Variants in TNS3 observed in about 807,000 individuals in gnomAD.
TNS3 encodes tensin-3.
A neutral mutation model predicts 140.9 loss-of-function variants in TNS3; 45 were observed. The ratio of observed to expected loss-of-function variants is 0.32; its 90% CI spans 0.25 to 0.41. The LOEUF is 0.41. Ranked by LOEUF, TNS3 falls within the 10% of genes least tolerant of loss-of-function variation. The pLI is 1.00. For missense variants in TNS3, 1,716 were observed against 1,906.7 expected (o/e 0.90, Z 1.86); for synonymous variants, 815 against 788.4 (o/e 1.03, Z -0.56).
Position 47,283,755 on chromosome 7 carries a change from T to C in TNS3, c.4039A>G (p.Thr1347Ala). ...TLVQEPPPVSTVVHFKVSAQG... is the reference protein window; with the variant it reads ...TLVQEPPPVSAVVHFKVSAQG... ...GCTGACACCTTGAAGTGCACAACTG[T>C]GGACACAGGTGGAGGCTCCTGGACC... Residue 1347 changes from threonine (T) to alanine (A), a missense_variant, in exon 28 of 31, where the codon ACA becomes GCA. Around this residue, in one of 3 missense-constraint regions of TNS3, gnomAD observed 216 missense variants for 295.7 expected, o/e 0.73. Transcript: ENST00000311160. 1 of 1,611,130 alleles carries C rather than the reference T, an allele frequency of 6.2e-7. No homozygotes were observed.
intron 13 of TNS3, among the ~76,000 whole-genome samples, chr7:47,404,310 C>A (rs1231952161): frequency 6.6e-6 from 1 of 152,002 alleles, no homozygotes; most frequent in East Asian, 1.9e-4. Flanking sequence ...TCTCTGACTG[C>A]AAAATGAGTA....
intron 3 of TNS3, among the ~76,000 whole-genome samples, chr7:47,500,097 GCA>G (rs143019610): frequency 4.0e-5 from 6 of 151,292 alleles, no homozygotes; most frequent in African/African-American, 1.2e-4. Flanking sequence ...ACACACACAC[GCA>G]CACACACACA....
At chr7:47,471,806 G>A (rs1035954675) in intron 4 of TNS3, among the ~76,000 whole-genome samples, 3 of 152,228 alleles carry the variant, frequency 2.0e-5, no homozygotes, top group Non-Finnish European at 4.4e-5. Flanking sequence ...TGAGGCTGGA[G>A]AGGTGTGAGC....
chr7:47,575,169 C>T (rs1800647501), intron 1 of TNS3, among the ~76,000 whole-genome samples: 1 of 152,124 alleles, frequency 6.6e-6, no homozygotes, highest in African/African-American at 2.4e-5. Context: ...GATCAATGAA[C>T]AAATAGTGAA....
At chr7:47,504,738 A>C (rs1318448238) in intron 3 of TNS3, among the ~76,000 whole-genome samples, 1 of 152,182 alleles carries the variant, frequency 6.6e-6, no homozygotes, top group African/African-American at 2.4e-5. Flanking sequence ...GCAGCTGGGG[A>C]GTTATGGCCC....
intron 3 of TNS3, among the ~76,000 whole-genome samples, chr7:47,493,659 A>T (rs1797895584): frequency 7.7e-6 from 1 of 130,220 alleles, no homozygotes; most frequent in Non-Finnish European, 1.6e-5. Context: ...TCTACTAAAA[A>T]TACAAAAAAA....
rs146283861 is a variant in TNS3 at position 47,386,748 on chromosome 7, A to G, written c.1024+10052T>C. On this transcript the variant is annotated intron_variant, in intron 16 of 30. Coordinates refer to ENST00000311160, the MANE Select transcript of TNS3 (RefSeq NM_022748.12). The stretch of plus-strand genomic sequence containing the variant: ...GCTTTCATCCCCAAAGTAGGTCAGA[A>G]TTGCTCCTATCGGCAAGATAAACTG... Among the ~76,000 whole-genome samples, 1,039 of 152,346 alleles carry G rather than the reference A, an allele frequency of 6.8e-3. 14 individuals carry two copies. Among genetic ancestry groups the G allele is most frequent in the African/African-American group, 0.024 (983 of 41,590 alleles).
At chr7:47,337,493 G>A (rs1012353091) in intron 20 of TNS3, among the ~76,000 whole-genome samples, 3 of 152,194 alleles carry the variant, frequency 2.0e-5, no homozygotes, top group Non-Finnish European at 2.9e-5. Context: ...AATGACAAAA[G>A]CAATACAATT....
rs140799405 is a variant in TNS3, at chr7:47,389,109, C to CAGAAGAAGAAGAAGAAGAAGAAGA, written c.1024+7667_1024+7690dup. On this transcript the variant is annotated intron_variant, in intron 16 of 30. Coordinates refer to ENST00000311160, the MANE Select transcript of TNS3 (RefSeq NM_022748.12). ...GAGGAAGAGGAAGAGGAAGCGGAAG[C>CAGAAGAAGAAGAAGAAGAAGAAGA]AGAAGAAGAAGAAGAAGAAGAAGAA... Among the ~76,000 whole-genome samples the CAGAAGAAGAAGAAGAAGAAGAAGA allele has an allele frequency of 6.3e-4, 37 of 59,134 alleles. 9 individuals carry two copies. Among genetic ancestry groups the CAGAAGAAGAAGAAGAAGAAGAAGA allele is most frequent in the African/African-American group, 2.2e-3 (33 of 14,768 alleles). The allele number at this position is 59,134 out of a possible 152,430, so 38.8% of individuals were successfully genotyped here.
At chr7:47,387,477 T>C (rs1792142806) in intron 16 of TNS3, among the ~76,000 whole-genome samples, 1 of 152,222 alleles carries the variant, frequency 6.6e-6, no homozygotes, top group African/African-American at 2.4e-5. Flanking sequence ...CTAGCCCAGA[T>C]GGCCGAATGG....
intron 15 of TNS3, among the ~76,000 whole-genome samples, chr7:47,399,492 GA>G (rs1417606558): frequency 6.6e-6 from 1 of 152,230 alleles, no homozygotes; most frequent in East Asian, 1.9e-4. Context: ...CAGATCAATG[GA>G]ACAGAATAGA....
intron 20 of TNS3, among the ~76,000 whole-genome samples, chr7:47,337,264 A>T (rs1332227034): frequency 6.6e-6 from 1 of 152,178 alleles, no homozygotes; most frequent in African/African-American, 2.4e-5. Context: ...AATAATCCTG[A>T]ATAAAATCTG....
chr7:47,456,750 G>C (rs966661694), intron 4 of TNS3, among the ~76,000 whole-genome samples: 1 of 151,958 alleles, frequency 6.6e-6, no homozygotes, highest in South Asian at 2.1e-4. Flanking sequence ...CACAGCCCAC[G>C]AGACATTCGC....
At chr7:47,437,215 T>C (rs1795226281) in intron 7 of TNS3, 48 bp downstream of exon 7, 2 of 1,318,762 alleles carry the variant, frequency 1.5e-6, no homozygotes, top group South Asian at 2.7e-5. Flanking sequence ...AAAATAAGCA[T>C]TGTTTACATT....
intron 20 of TNS3, among the ~76,000 whole-genome samples, chr7:47,324,927 CTCCAG>C (rs751086250): frequency 1.6e-4 from 24 of 152,078 alleles, no homozygotes; most frequent in Non-Finnish European, 2.6e-4. Flanking sequence ...ACTTGATTTC[CTCCAG>C]TCAAGTGCAG....
rs911293748 is a variant in TNS3 at position 47,572,659 on chromosome 7, T to C, written c.-265+9392A>G. 3.3e-5 allele frequency among the ~76,000 whole-genome samples: 5 copies of C among 152,166 alleles called. 1 individual carries two copies. Among genetic ancestry groups the C allele is most frequent in the Admixed American group, 6.5e-5 (1 of 15,280 alleles). ...GGGAGGCCGAGGCGGGCAGATCGCC[T>C]GAGGTCAGGAGTTCGAGACCAGCCT... is the stretch of plus-strand genomic sequence containing the variant. On this transcript the variant is annotated intron_variant, in intron 1 of 30. Transcript: ENST00000311160.
chr7:47,568,380 T>G (rs924566944), intron 1 of TNS3, among the ~76,000 whole-genome samples: 1 of 152,142 alleles, frequency 6.6e-6, no homozygotes, highest in African/African-American at 2.4e-5. Flanking sequence ...GGAAGCCCCT[T>G]GCCCTGCCAT....
At chr7:47,391,911 T>C (rs1792541762) in intron 16 of TNS3, among the ~76,000 whole-genome samples, 1 of 152,084 alleles carries the variant, frequency 6.6e-6, no homozygotes, top group South Asian at 2.1e-4. Context: ...ATGAGCCCTG[T>C]CCCGCACGGT....
At chr7:47,447,806 G>A (rs138120299) in intron 4 of TNS3, among the ~76,000 whole-genome samples, 3 of 152,218 alleles carry the variant, frequency 2.0e-5, no homozygotes, top group African/African-American at 4.8e-5. Context: ...CAAGACCAGC[G>A]GACAACTCTA....
Sources: allele counts gnomAD v4.1 joint callset (sites outside exome capture counted in the v4.1 genomes callset), GRCh38; gene constraint gnomAD v4.1.1; regional missense constraint gnomAD v4.1.1; transcripts MANE v1.5; gene names NCBI Gene and HGNC (gene_info 2026-07-23, HGNC 2026-07-21).